Variants in TRDN observed in about 807,000 individuals in gnomAD.
TRDN encodes the protein triadin.
A neutral mutation model predicts 149.7 loss-of-function variants in TRDN; 161 were observed. The ratio of observed to expected loss-of-function variants is 1.08; its 90% CI spans 0.95 to 1.23. The LOEUF (loss-of-function observed/expected upper bound fraction) is 1.23. Among genes scored for constraint, TRDN ranks in the 50% most tolerant of loss-of-function variants. The pLI, the probability that TRDN is intolerant of heterozygous loss-of-function variation, is 0.00. For missense variants in TRDN, 896 were observed against 823.5 expected (o/e 1.09, Z -1.08); for synonymous variants, 294 against 250.5 (o/e 1.17, Z -1.64).
chr6:123,273,346 G>A lies in TRDN; in HGVS notation c.1615C>T (p.Gln539Ter), dbSNP rs1234874896. 1 of 1,046,444 alleles carries A rather than the reference G, an allele frequency of 9.6e-7. No homozygotes were observed. Among genetic ancestry groups the A allele is most frequent in the Non-Finnish European group, 1.3e-6 (1 of 775,096 alleles). The allele number at this position is 1,046,444 out of a possible 1,614,324, so 64.8% of individuals were successfully genotyped here. Residue 539 changes from glutamine to a stop codon, truncating the protein, a stop_gained, in exon 28 of 41, where the codon CAA becomes TAA. Coordinates refer to ENST00000334268, the MANE Select transcript of TRDN (RefSeq NM_006073.4). LOFTEE classifies it high-confidence loss of function. Reference sequence around the variant, plus strand: ...TAAAATTAATACATACTGTGTATTTGCACTTTTTCAGATATAGCTAAAATA... The same window carrying A: ...TAAAATTAATACATACTGTGTATTTACACTTTTTCAGATATAGCTAAAATA... ...EAKPAISEKVQIHKQDIVKPE... is the reference protein window; with the variant it reads ...EAKPAISEKV
At chr6:123,496,938 C>T (rs143310637) in intron 9 of TRDN, among the ~76,000 whole-genome samples, 72 of 152,084 alleles carry the variant, frequency 4.7e-4, no homozygotes, top group African/African-American at 1.6e-3. Flanking sequence ...AAGATTTTAG[C>T]ATTCCTTATA....
chr6:123,574,883 TATATATATATAC>T (rs771641245), intron 1 of TRDN, among the ~76,000 whole-genome samples: 2,956 of 107,030 alleles, frequency 0.028, 82 homozygotes, highest in South Asian at 0.062. Flanking sequence ...TATATATATA[TATATATATATAC>T]ACACATTTTC....
chr6:123,268,147 T>C (rs1158751892), intron 31 of TRDN, among the ~76,000 whole-genome samples: 1 of 152,048 alleles, frequency 6.6e-6, no homozygotes, highest in Admixed American at 6.6e-5. Flanking sequence ...TCTTTTTTCC[T>C]CTTTGAATCC....
chr6:123,236,650 A>G (rs540348204), intron 38 of TRDN, among the ~76,000 whole-genome samples: 1 of 152,180 alleles, frequency 6.6e-6, no homozygotes, highest in Admixed American at 6.5e-5. Flanking sequence ...TATTTTCAAA[A>G]AATACATAGA....
chr6:123,510,660 T>A (rs1466983375), intron 7 of TRDN, among the ~76,000 whole-genome samples: 4 of 133,372 alleles, frequency 3.0e-5, no homozygotes, highest in South Asian at 2.3e-4. Flanking sequence ...TTTTTTTTTT[T>A]ATTTAGACAG....
At chr6:123,501,833 T>G (rs929025433) in intron 8 of TRDN, 1 of 900,006 alleles carries the variant, frequency 1.1e-6, no homozygotes, top group African/African-American at 1.8e-5. Flanking sequence ...AGGGATATGG[T>G]AATATAATGC....
At chr6:123,560,133 CT>C (rs1781905010) in intron 2 of TRDN, among the ~76,000 whole-genome samples, 1 of 152,214 alleles carries the variant, frequency 6.6e-6, no homozygotes, top group African/African-American at 2.4e-5. Context: ...GCGGCTGCCG[CT>C]GCTTAAATAC....
chr6:123,483,740 T>TG (rs1358923942), intron 9 of TRDN, among the ~76,000 whole-genome samples: 4 of 152,180 alleles, frequency 2.6e-5, no homozygotes, highest in South Asian at 4.1e-4. Flanking sequence ...TATCTCCTTC[T>TG]GGTTTGAAAC....
chr6:123,630,428 AT>A (rs1362204394), intron 1 of TRDN, among the ~76,000 whole-genome samples: 1 of 152,028 alleles, frequency 6.6e-6, no homozygotes, highest in Non-Finnish European at 1.5e-5. Flanking sequence ...TTTCTCTCAT[AT>A]TAAATATTGT....
chr6:123,627,737 T>C (rs986832131), intron 1 of TRDN, among the ~76,000 whole-genome samples: 1 of 152,214 alleles, frequency 6.6e-6, no homozygotes, highest in Admixed American at 6.5e-5. Flanking sequence ...AAATGTGTTG[T>C]TTAGCGTAGC....
At chr6:123,554,236 G>C (rs1781536734) in intron 2 of TRDN, among the ~76,000 whole-genome samples, 1 of 151,958 alleles carries the variant, frequency 6.6e-6, no homozygotes, top group Non-Finnish European at 1.5e-5. Flanking sequence ...ATTAAACTTG[G>C]TATATGTTGC....
intron 21 of TRDN, among the ~76,000 whole-genome samples, chr6:123,341,846 TAA>T (rs1190415111): frequency 6.6e-6 from 1 of 152,000 alleles, no homozygotes; most frequent in Non-Finnish European, 1.5e-5. Flanking sequence ...ATTGGCATGT[TAA>T]AACAGTGACA....
At position 123,271,176 on chromosome 6, in the gene TRDN, A is replaced by G. The variant is rs777229118; in HGVS notation, c.1683T>C (p.Val561=). The change falls in exon 30 of 41, where the codon GTT becomes GTC. Residue 561 remains valine (V), a synonymous_variant. Coordinates refer to ENST00000334268, the MANE Select transcript of TRDN (RefSeq NM_006073.4). The part of the protein sequence containing the change: ...TVSHGKPEEK[V]LKQVKAVTIE... ...TTGTGACAGCTTTTACCTGCTTGAG[A>G]ACTTTTTCTTCTGTGATAGGAAAAA... 29 of 1,540,550 alleles carry G rather than the reference A, an allele frequency of 1.9e-5. No individual in the cohort carries two copies. In the East Asian group the frequency reaches 6.7e-4, roughly 36 times the overall value.
intron 24 of TRDN, among the ~76,000 whole-genome samples, chr6:123,309,548 G>T (rs544519242): frequency 6.6e-6 from 1 of 151,996 alleles, no homozygotes. Context: ...TAAAATTCAT[G>T]TATCGCTAGT....
chr6:123,285,290 A>G (rs949247081), intron 24 of TRDN, among the ~76,000 whole-genome samples: 7 of 152,266 alleles, frequency 4.6e-5, no homozygotes, highest in Middle Eastern at 3.4e-3. Context: ...ATTTCAAACT[A>G]TATTATAAGG....
chr6:123,572,324 T>G (rs1013849186), intron 1 of TRDN, among the ~76,000 whole-genome samples: 2 of 152,158 alleles, frequency 1.3e-5, no homozygotes, highest in East Asian at 3.9e-4. Flanking sequence ...TTAACCTTTA[T>G]GTTGCCTTTT....
At chr6:123,401,085 G>A (rs1772949688) in intron 12 of TRDN, among the ~76,000 whole-genome samples, 1 of 152,172 alleles carries the variant, frequency 6.6e-6, no homozygotes, top group East Asian at 1.9e-4. Context: ...TTATATGCCT[G>A]ACAATTCTAA....
chr6:123,377,328 T>C (rs1157410656), intron 18 of TRDN, among the ~76,000 whole-genome samples: 1 of 152,200 alleles, frequency 6.6e-6, no homozygotes, highest in Non-Finnish European at 1.5e-5. Context: ...TGTTTTGTTC[T>C]TGTTTTGTTT....
Position 123,403,082 on chromosome 6 carries a change from T to A in TRDN, c.1052-9405A>T, listed in dbSNP as rs1255262784. On this transcript the variant is annotated intron_variant, in intron 12 of 40. Transcript: ENST00000334268. ...AAACTGAAATTAAGAGCGTGAACAA[T>A]TTTTCCCAGAGACAGATGAACAGAA... 2.0e-5 allele frequency among the ~76,000 whole-genome samples: 3 copies of A among 152,104 alleles called. No individual in the cohort carries two copies. The East Asian group carries it at 5.8e-4, about 29-fold the overall frequency.
Sources: gnomAD v4.1 joint callset for allele counts (sites outside exome capture counted in the v4.1 genomes callset) on GRCh38, gnomAD v4.1.1 for gene constraint, MANE v1.5 for transcripts, NCBI Gene and HGNC (gene_info 2026-07-23, HGNC 2026-07-21) for gene names.